REEP1: variants seen among roughly 807,000 people sequenced by gnomAD.
REEP1 encodes the protein receptor accessory protein 1.
Under a neutral mutation model 40.3 loss-of-function variants are expected in REEP1, and 22 were observed. The observed-to-expected ratio is 0.55, with a 90% CI of 0.39 to 0.78. The LOEUF (loss-of-function observed/expected upper bound fraction) is 0.78, where lower values mean the gene tolerates loss of function less well. REEP1 is among the 30% of genes least tolerant of loss of function. The pLI, the probability that REEP1 is intolerant of heterozygous loss-of-function variation, is 0.00. For missense variants in REEP1, 280 were observed against 361.1 expected (o/e 0.78, Z 1.82); for synonymous variants, 116 against 139.2 (o/e 0.83, Z 1.17).
Position 86,253,524 on chromosome 2 carries a change from T to C in REEP1, c.303+1170A>G, listed in dbSNP as rs150253125. Among the ~76,000 whole-genome samples the C allele has an allele frequency of 7.9e-5, 12 of 152,296 alleles. No individual in the cohort carries two copies. In the East Asian group the frequency reaches 2.3e-3, roughly 29 times the overall value. On this transcript the variant is annotated intron_variant, in intron 4 of 8. Transcript: ENST00000538924. ...ACCACCACCCCTTTGGAAGTGATTC[T>C]TGGCAACTCTTAAGAGTCAGTCACC...
chr2:86,226,468 C>T (rs113913294), intron 7 of REEP1, among the ~76,000 whole-genome samples: 3,102 of 24,394 alleles, frequency 0.13, 307 homozygotes, highest in Middle Eastern at 0.24. Flanking sequence ...TTTTTCTTTT[C>T]TTTTTTTTTT....
intron 7 of REEP1, among the ~76,000 whole-genome samples, chr2:86,226,246 G>A (rs889655907): frequency 2.6e-5 from 4 of 152,054 alleles, no homozygotes; most frequent in Non-Finnish European, 2.9e-5. Flanking sequence ...TCTCATCTCC[G>A]TTTTAAGAGG....
chr2:86,247,160 A>G (rs575839177), intron 5 of REEP1, among the ~76,000 whole-genome samples: 1 of 152,240 alleles, frequency 6.6e-6, no homozygotes, highest in South Asian at 2.1e-4. Context: ...GACAGGTACC[A>G]TGTAGGAGCA....
intron 1 of REEP1, among the ~76,000 whole-genome samples, chr2:86,333,578 G>A (rs903697741): frequency 6.6e-5 from 10 of 152,204 alleles, no homozygotes; most frequent in Admixed American, 2.6e-4. Context: ...CTCTTGATCC[G>A]TTCAGCCAAC....
At chr2:86,302,513 T>C (rs569178605) in intron 1 of REEP1, among the ~76,000 whole-genome samples, 49 of 152,332 alleles carry the variant, frequency 3.2e-4, no homozygotes, top group Admixed American at 2.6e-4. Flanking sequence ...GTAATTGCAC[T>C]TCTGGGAATC....
intron 1 of REEP1, among the ~76,000 whole-genome samples, chr2:86,313,141 G>C (rs1022397962): frequency 6.6e-6 from 1 of 152,030 alleles, no homozygotes; most frequent in African/African-American, 2.4e-5. Context: ...ACAGAGTCTT[G>C]CTCCGTCACC....
Position 86,337,308 on chromosome 2 carries a change from C to A in REEP1, c.32+171G>T. The A allele has an allele frequency of 2.8e-6, 1 of 357,360 alleles. No homozygotes were observed. Among genetic ancestry groups the A allele is most frequent in the South Asian group, 1.3e-4 (1 of 7,636 alleles). The allele number at this position is 357,360 out of a possible 1,614,324, so 22.1% of individuals were successfully genotyped here. On this transcript the variant is annotated intron_variant, in intron 1 of 8. Coordinates refer to ENST00000538924, the MANE Select transcript of REEP1 (RefSeq NM_001371279.1). The surrounding 1 kb of genome is among the most constrained non-coding windows in gnomAD (Gnocchi z 5.8). ...TCCTGGGCAGCAGCCGCGTCCTGCG[C>A]CGCCCGTCCGCCCGCAGGCGTCCTC...
intron 5 of REEP1, among the ~76,000 whole-genome samples, chr2:86,236,901 AT>A (rs1026491473): frequency 6.6e-6 from 1 of 152,136 alleles, no homozygotes; most frequent in East Asian, 1.9e-4. Context: ...CGCCTGGCTA[AT>A]TTTTTGTATT....
chr2:86,232,575 G>A (rs1675082435), intron 6 of REEP1, 50 bp downstream of exon 6: 1 of 1,594,230 alleles, frequency 6.3e-7, no homozygotes, highest in Admixed American at 1.7e-5. Context: ...CTCTCTCAAT[G>A]AAAGCGAGGC....
At chr2:86,314,060 T>C (rs1018407644) in intron 1 of REEP1, among the ~76,000 whole-genome samples, 2 of 152,184 alleles carry the variant, frequency 1.3e-5, no homozygotes, top group African/African-American at 4.8e-5. Context: ...AACTGCCAAG[T>C]AGCAGACTAA....
intron 6 of REEP1, among the ~76,000 whole-genome samples, chr2:86,230,421 C>T (rs1404748262): frequency 6.6e-6 from 1 of 152,214 alleles, no homozygotes; most frequent in African/African-American, 2.4e-5. Flanking sequence ...CCACTGGGCT[C>T]ACCTCTAAAA....
chr2:86,337,536 C>G lies in REEP1; in HGVS notation c.-26G>C. On this transcript the variant is annotated 5_prime_UTR_variant, in exon 1 of 9. Coordinates refer to ENST00000538924, the MANE Select transcript of REEP1 (RefSeq NM_001371279.1). This position sits in a 1 kb window ranked among gnomAD's most constrained non-coding sequence, Gnocchi z 5.8. ...GGCGGGCAGGCGGGCGGGCGAGGCC[C>G]GGGCGGCGCGGCTCGGCTAGGCTGC... 2 of 1,242,200 alleles carry G rather than the reference C, an allele frequency of 1.6e-6. No individual in the cohort carries two copies. Among genetic ancestry groups the G allele is most frequent in the Non-Finnish European group, 2.0e-6 (2 of 991,916 alleles). 76.9% of individuals were successfully genotyped at this position (1,242,200 alleles called of 1,614,324 possible).
rs969397429 is a variant in REEP1 at position 86,220,973 on chromosome 2, C to G, written c.632-852G>C. Among the ~76,000 whole-genome samples, 3 of 152,284 alleles carry G rather than the reference C, an allele frequency of 2.0e-5. 1 individual carries two copies. In the South Asian group the frequency reaches 6.2e-4, roughly 32 times the overall value. ...TATCTTCTGCCCCTACCCAGCTTAT[C>G]TGGTATCACACACACACATTTTTCT... On this transcript the variant is annotated intron_variant, in intron 7 of 8. Coordinates refer to ENST00000538924, the MANE Select transcript of REEP1 (RefSeq NM_001371279.1).
intron 1 of REEP1, among the ~76,000 whole-genome samples, chr2:86,297,959 G>A (rs2104448790): frequency 6.6e-6 from 1 of 152,306 alleles, no homozygotes; most frequent in South Asian, 2.1e-4. Flanking sequence ...GCACCATATA[G>A]GGTCGCATGC....
intron 1 of REEP1, among the ~76,000 whole-genome samples, chr2:86,319,485 A>G (rs995080109): frequency 5.9e-5 from 9 of 152,232 alleles, no homozygotes; most frequent in African/African-American, 2.2e-4. Flanking sequence ...ACTTGAGGCC[A>G]GGAATTCGAG....
In REEP1 at chr2:86,337,583, C is replaced by T. The variant is rs1312748911; in HGVS notation, c.-73G>A. On this transcript the variant is annotated 5_prime_UTR_variant, in exon 1 of 9. Coordinates refer to ENST00000538924, the MANE Select transcript of REEP1 (RefSeq NM_001371279.1). The surrounding 1 kb of genome is among the most constrained non-coding windows in gnomAD (Gnocchi z 5.8). ...CTGCGGGCGGCGCGGGCTGCTGCGG[C>T]GTTCCCGGAACGTCAGTCAGCTCAC... 4.2e-6 allele frequency: 5 copies of T among 1,179,492 alleles called. No homozygotes were observed. Among genetic ancestry groups the T allele is most frequent in the Middle Eastern group, 3.5e-4 (1 of 2,870 alleles). 73.1% of individuals were successfully genotyped at this position (1,179,492 alleles called of 1,614,324 possible).
intron 1 of REEP1, among the ~76,000 whole-genome samples, chr2:86,309,228 C>T (rs536293478): frequency 1.1e-4 from 17 of 152,344 alleles, no homozygotes; most frequent in African/African-American, 4.1e-4. Flanking sequence ...CCGTCAGCAC[C>T]CCTAACCTCT....
intron 1 of REEP1, among the ~76,000 whole-genome samples, chr2:86,325,040 C>T (rs894354303): frequency 2.6e-5 from 4 of 152,142 alleles, no homozygotes; most frequent in Non-Finnish European, 5.9e-5. Flanking sequence ...TCTATTGCCT[C>T]ATTAATTACT....
intron 2 of REEP1, among the ~76,000 whole-genome samples, chr2:86,276,684 C>A (rs1677773794): frequency 6.6e-6 from 1 of 152,150 alleles, no homozygotes; most frequent in African/African-American, 2.4e-5. Flanking sequence ...TATGGTGGTG[C>A]TTCTTAGCCA....
Sources: allele counts gnomAD v4.1 joint callset (sites outside exome capture counted in the v4.1 genomes callset), GRCh38; gene constraint gnomAD v4.1.1; non-coding constraint Gnocchi (gnomAD v3.1); transcripts MANE v1.5; gene names NCBI Gene and HGNC (gene_info 2026-07-23, HGNC 2026-07-21).